The following ARID5B variants were observed in gnomAD, a reference collection of about 807,000 sequenced individuals.
ARID5B encodes the protein AT-rich interaction domain 5B.
ARID5B carries 13 observed loss-of-function variants against 97.2 expected under a neutral mutation model. The ratio of observed to expected loss-of-function variants is 0.13; its 90% CI spans 0.09 to 0.21. The LOEUF (loss-of-function observed/expected upper bound fraction) is 0.21, where lower values mean the gene tolerates loss of function less well. Among genes scored for constraint, ARID5B ranks in the 10% least tolerant of loss-of-function variants. The pLI is 1.00. For missense variants in ARID5B, 1,210 were observed against 1,465.3 expected (o/e 0.83, Z 2.84); for synonymous variants, 556 against 570.3 (o/e 0.97, Z 0.36).
At chr10:62,036,570 T>G (rs1221017597) in intron 4 of ARID5B, among the ~76,000 whole-genome samples, 1 of 152,238 alleles carries the variant, frequency 6.6e-6, no homozygotes, top group Non-Finnish European at 1.5e-5. Context: ...TGAGCTTTCT[T>G]GCTTGTATGT....
chr10:61,984,441 T>A (rs1158291637), intron 3 of ARID5B, among the ~76,000 whole-genome samples: 4 of 152,244 alleles, frequency 2.6e-5, no homozygotes, highest in Non-Finnish European at 1.5e-5. Context: ...TCCTGGGATC[T>A]TGCCCTCAGA....
chr10:61,901,776 C>T lies in ARID5B; in HGVS notation c.21+46C>T, dbSNP rs748102746. The T allele has an allele frequency of 1.9e-6, 3 of 1,561,524 alleles. No individual in the cohort carries two copies. In the South Asian group the frequency reaches 3.3e-5, roughly 17 times the overall value. ...CCTCCGATCCCGGCACCCCCCGGCACCCCCCAACCCCCCAGCTCACCCACA... is the reference window on the plus strand; with the variant it reads ...CCTCCGATCCCGGCACCCCCCGGCATCCCCCAACCCCCCAGCTCACCCACA... On this transcript the variant is annotated intron_variant, in intron 1 of 9. Coordinates refer to ENST00000279873, the MANE Select transcript of ARID5B (RefSeq NM_032199.3).
chr10:61,919,172 C>T (rs1446483761), intron 2 of ARID5B, among the ~76,000 whole-genome samples: 1 of 151,920 alleles, frequency 6.6e-6, no homozygotes, highest in Admixed American at 6.6e-5. Flanking sequence ...ATCTAAGTGC[C>T]CCACCCTCCA....
At chr10:61,995,648 A>G (rs1838985984) in intron 3 of ARID5B, among the ~76,000 whole-genome samples, 1 of 152,156 alleles carries the variant, frequency 6.6e-6, no homozygotes, top group Admixed American at 6.5e-5. Flanking sequence ...TTGAGGAAAA[A>G]AAAAAATGTT....
At chr10:62,040,320 T>G (rs1291145672) in intron 4 of ARID5B, among the ~76,000 whole-genome samples, 4 of 146,662 alleles carry the variant, frequency 2.7e-5, no homozygotes, top group African/African-American at 1.0e-4. Context: ...AAGAAAAATT[T>G]TTAGATACTA....
chr10:61,920,330 T>G (rs969801774), intron 2 of ARID5B, among the ~76,000 whole-genome samples: 2 of 36,714 alleles, frequency 5.4e-5, no homozygotes, highest in Admixed American at 2.3e-4. Context: ...TGAATCTTTG[T>G]TTTTTTTTTT....
chr10:62,044,768 T>G (rs895708225), intron 4 of ARID5B, among the ~76,000 whole-genome samples: 1 of 152,210 alleles, frequency 6.6e-6, no homozygotes, highest in African/African-American at 2.4e-5. Flanking sequence ...TGTTTCCATA[T>G]CTATTGTTCA....
chr10:61,958,833 T>C (rs893179741), intron 3 of ARID5B, among the ~76,000 whole-genome samples: 4 of 152,234 alleles, frequency 2.6e-5, no homozygotes, highest in Non-Finnish European at 5.9e-5. Flanking sequence ...AAGAAATATG[T>C]ATATTGTATA....
intron 4 of ARID5B, among the ~76,000 whole-genome samples, chr10:62,020,302 TA>T (rs1264295296): frequency 6.6e-6 from 1 of 152,194 alleles, no homozygotes; most frequent in Non-Finnish European, 1.5e-5. Context: ...CTGATTTTCT[TA>T]ACATATAATT....
At chr10:61,942,665 G>T (rs1231993665) in intron 3 of ARID5B, among the ~76,000 whole-genome samples, 1 of 152,124 alleles carries the variant, frequency 6.6e-6, no homozygotes, top group East Asian at 1.9e-4. Flanking sequence ...GGTGGCAGGG[G>T]CCTGTAATCT....
intron 4 of ARID5B, among the ~76,000 whole-genome samples, chr10:62,006,701 G>A (rs72833383): frequency 0.047 from 7,118 of 152,298 alleles, 176 homozygotes; most frequent in Non-Finnish European, 0.053. Context: ...TCCTTGGGCA[G>A]AGGCCTCAGA....
chr10:62,057,412 C>T (rs1038545710), intron 6 of ARID5B, 94 bp downstream of exon 6: 4 of 1,266,926 alleles, frequency 3.2e-6, no homozygotes, highest in African/African-American at 3.0e-5. Flanking sequence ...TGTTGAAATC[C>T]TAATCTGGGG....
chr10:62,080,083 T>G (rs953304444), intron 8 of ARID5B, among the ~76,000 whole-genome samples: 2 of 152,278 alleles, frequency 1.3e-5, no homozygotes, highest in Admixed American at 1.3e-4. Context: ...GCCATTTTGT[T>G]GGCTCAGATG....
intron 3 of ARID5B, among the ~76,000 whole-genome samples, chr10:61,955,821 T>C (rs1838384348): frequency 6.6e-6 from 1 of 152,130 alleles, no homozygotes. Context: ...CAGCTAGTTT[T>C]TGTATTTTTA....
intron 4 of ARID5B, among the ~76,000 whole-genome samples, chr10:62,023,944 G>A (rs941062369): frequency 6.6e-6 from 1 of 152,170 alleles, no homozygotes; most frequent in African/African-American, 2.4e-5. Flanking sequence ...GATACCGATA[G>A]GCTTCTGTAT....
chr10:61,908,204 A>G (rs1206303669), intron 2 of ARID5B, among the ~76,000 whole-genome samples: 2 of 152,324 alleles, frequency 1.3e-5, no homozygotes, highest in Non-Finnish European at 2.9e-5. Context: ...TGAGTTAATA[A>G]AAAACTACTC....
At chr10:61,994,871 A>G (rs185729725) in intron 3 of ARID5B, among the ~76,000 whole-genome samples, 28 of 152,304 alleles carry the variant, frequency 1.8e-4, no homozygotes, top group African/African-American at 6.7e-4. Context: ...TTTTTATTGA[A>G]GTTGAAATGA....
chr10:61,999,032 G>C (rs372062062), intron 3 of ARID5B, among the ~76,000 whole-genome samples: 1 of 152,336 alleles, frequency 6.6e-6, no homozygotes, highest in South Asian at 2.1e-4. Context: ...GAGAGATTGT[G>C]GTCAGTGGTA....
At chr10:61,903,261 G>C (rs1589211851) in intron 2 of ARID5B, among the ~76,000 whole-genome samples, 1 of 152,110 alleles carries the variant, frequency 6.6e-6, no homozygotes, top group African/African-American at 2.4e-5. Context: ...CGGCGCTCCC[G>C]GGGAGGGCGG....
Sources: gnomAD v4.1 joint callset for allele counts (sites outside exome capture counted in the v4.1 genomes callset) on GRCh38, gnomAD v4.1.1 for gene constraint, MANE v1.5 for transcripts, NCBI Gene and HGNC (gene_info 2026-07-23, HGNC 2026-07-21) for gene names.